P4HB: variants seen among roughly 807,000 people sequenced by gnomAD.
The protein encoded by P4HB is prolyl 4-hydroxylase subunit beta.
P4HB carries 20 observed loss-of-function variants against 52.6 expected under a neutral mutation model. The observed-to-expected ratio is 0.38, with a 90% confidence interval of 0.27 to 0.55. The LOEUF (loss-of-function observed/expected upper bound fraction) is 0.55. P4HB is among the 20% of genes least tolerant of loss of function. The pLI is 0.74. For missense variants in P4HB, 601 were observed against 669.2 expected, an observed-to-expected ratio of 0.90 and a Z score of 1.12; for synonymous variants, 296 against 277.9, an observed-to-expected ratio of 1.07 and a Z score of -0.65.
chr17:81,846,680 C>A lies in P4HB; in HGVS notation c.856-51G>T. 1 of 1,552,844 alleles carries A rather than the reference C, an allele frequency of 6.4e-7. No individual in the cohort carries two copies. Among genetic ancestry groups the A allele is most frequent in the South Asian group, 1.1e-5 (1 of 89,646 alleles). ...GGTGCGGGAGACGGCTGGCCTCTGC[C>A]TCCAGCCCTGACTTTGCTCGGAAGC... On this transcript the variant is annotated intron_variant, in intron 6 of 10. Transcript: ENST00000331483. The surrounding 1 kb of genome is among the most constrained non-coding windows in gnomAD (Gnocchi z 5.7).
At position 81,855,812 on chromosome 17, in the gene P4HB, G is replaced by A. The variant is rs752017745; in HGVS notation, c.353-226C>T. 23 of 493,312 alleles carry A rather than the reference G, an allele frequency of 4.7e-5. No individual in the cohort carries two copies. The highest frequency in any genetic ancestry group is 7.1e-5 in the Non-Finnish European group (20 of 280,510). The allele number at this position is 493,312 out of a possible 1,614,324, so 30.6% of individuals were successfully genotyped here. A position where few individuals can be genotyped will look rare whatever the true frequency, so the allele number is the denominator to read the frequency against. On this transcript the variant is annotated intron_variant, in intron 2 of 10. Transcript: ENST00000331483. The surrounding 1 kb of genome is among the most constrained non-coding windows in gnomAD (Gnocchi z 4.3). ...TTATGGGGAGTGGAGAGGGAAGAGG[G>A]TGATTCTGTCTCTGAATAACAGGAT...
In P4HB at chr17:81,846,827, G is replaced by A. The variant is rs2038742824; in HGVS notation, c.855+120C>T. Reference sequence around the variant, plus strand: ...CCCTCGCCTACATCCAGGCTGTCCTGAATCAGGTGCCCGATCCAGTCCAGC... The same window carrying A: ...CCCTCGCCTACATCCAGGCTGTCCTAAATCAGGTGCCCGATCCAGTCCAGC... On this transcript the variant is annotated intron_variant, in intron 6 of 10. Coordinates refer to ENST00000331483, the MANE Select transcript of P4HB (RefSeq NM_000918.4). The surrounding 1 kb of genome is among the most constrained non-coding windows in gnomAD (Gnocchi z 5.7). The A allele has an allele frequency of 2.9e-6, 4 of 1,365,612 alleles. No individual in the cohort carries two copies. The Admixed American group carries it at 5.3e-5, about 18-fold the overall frequency. The allele number at this position is 1,365,612 out of a possible 1,614,324, so 84.6% of individuals were successfully genotyped here.
At chr17:81,858,439 C>T (rs1477474151) in intron 2 of P4HB, among the ~76,000 whole-genome samples, 1 of 152,102 alleles carries the variant, frequency 6.6e-6, no homozygotes, top group Non-Finnish European at 1.5e-5. Context: ...CAGGGCACAC[C>T]TGCTTAAGGG....
Position 81,846,025 on chromosome 17 carries a change from G to A in P4HB, c.1057-34C>T, listed in dbSNP as rs755470013. ...CAGGCAGGGCACGGTGAGGGGCGGC[G>A]ATGCCTGGGGGACCACAGAGCTCCC... On this transcript the variant is annotated intron_variant, in intron 7 of 10. Transcript: ENST00000331483. The surrounding 1 kb of genome is among the most constrained non-coding windows in gnomAD (Gnocchi z 5.7). The A allele has an allele frequency of 1.7e-5, 26 of 1,574,532 alleles. No individual in the cohort carries two copies. The Admixed American group carries it at 1.7e-4, about 10-fold the overall frequency.
intron 4 of P4HB, among the ~76,000 whole-genome samples, chr17:81,853,874 A>G (rs1427565647): frequency 6.6e-6 from 1 of 152,196 alleles, no homozygotes; most frequent in Non-Finnish European, 1.5e-5. Flanking sequence ...AGCTGTCCCT[A>G]GAGCACAAGT....
chr17:81,847,503 T>C, intron 4 of P4HB, 156 bp from the exon 5 acceptor site: 1 of 663,542 alleles, frequency 1.5e-6, no homozygotes, highest in Non-Finnish European at 2.8e-6. Context: ...AGGACATGGC[T>C]GTTCCTCGAC....
At position 81,845,945 on chromosome 17, in the gene P4HB, G is replaced by A. The variant is rs754368536; in HGVS notation, c.1103C>T (p.Pro368Leu). The A allele has an allele frequency of 1.2e-5, 20 of 1,613,104 alleles. No individual in the cohort carries two copies. Among genetic ancestry groups the A allele is most frequent in the Non-Finnish European group, 1.6e-5 (19 of 1,179,662 alleles). ...QELPEDWDKQPVKVLVGKNFE... is the reference protein window; with the variant it reads ...QELPEDWDKQLVKVLVGKNFE... The stretch of plus-strand genomic sequence containing the variant: ...GTTCTTCCCAACAAGCACCTTGACA[G>A]GCTGCTTGTCCCAGTCCTCCGGCAG... The change falls in exon 8 of 11, where the codon CCT becomes CTT. Residue 368 changes from proline (P) to leucine (L), a missense_variant. By Grantham distance (98) the Pro-to-Leu change is moderately conservative (BLOSUM62 -3). Coordinates refer to ENST00000331483, the MANE Select transcript of P4HB (RefSeq NM_000918.4).
chr17:81,859,439 T>C (rs2038963021), intron 1 of P4HB, 52 bp from the exon 2 acceptor site: 1 of 1,509,254 alleles, frequency 6.6e-7, no homozygotes, highest in Non-Finnish European at 9.2e-7. Context: ...TAAAGCAGCC[T>C]TGATCCCTCA....
At chr17:81,853,796 CTT>C (rs2038870972) in intron 4 of P4HB, among the ~76,000 whole-genome samples, 1 of 152,184 alleles carries the variant, frequency 6.6e-6, no homozygotes, top group African/African-American at 2.4e-5. Context: ...TCTCCCGAGA[CTT>C]TCTCTCCTAT....
chr17:81,857,883 G>C (rs1184234050), intron 2 of P4HB, among the ~76,000 whole-genome samples: 3 of 152,232 alleles, frequency 2.0e-5, no homozygotes, highest in East Asian at 1.9e-4. Context: ...ACGGTCACCA[G>C]TGACAAGTGG....
In P4HB at chr17:81,846,773, A is replaced by ACTGGGAGCAGAGGTCTGG; in HGVS notation, c.855+156_856-145dup. On this transcript the variant is annotated intron_variant, in intron 6 of 10. Transcript: ENST00000331483. The surrounding 1 kb of genome is among the most constrained non-coding windows in gnomAD (Gnocchi z 5.7). ...GGTTGCCCAACCAGACCAGCAGGTG[A>ACTGGGAGCAGAGGTCTGG]CTGGGAGCAGAGGTCTGGCCTGGCT... The ACTGGGAGCAGAGGTCTGG allele has an allele frequency of 8.4e-7, 1 of 1,190,264 alleles. No individual in the cohort carries two copies. Among genetic ancestry groups the ACTGGGAGCAGAGGTCTGG allele is most frequent in the Non-Finnish European group, 1.2e-6 (1 of 827,184 alleles). 73.7% of individuals were successfully genotyped at this position (1,190,264 alleles called of 1,614,324 possible). A position where few individuals can be genotyped will look rare whatever the true frequency, so the allele number is the denominator to read the frequency against.
Position 81,859,284 on chromosome 17 carries a change from G to A in P4HB, c.249C>T (p.Asp83=), listed in dbSNP as rs768438393. 13 of 1,613,882 alleles carry A rather than the reference G, an allele frequency of 8.1e-6. No homozygotes were observed. In the East Asian group the frequency reaches 1.8e-4, roughly 22 times the overall value. Residue 83 remains aspartate (D), a synonymous_variant, in exon 2 of 11, where the codon GAC becomes GAT. Coordinates refer to ENST00000331483, the MANE Select transcript of P4HB (RefSeq NM_000918.4). ...GGGCCAGGTCAGACTCCTCCGTGGC[G>A]TCCACCTTGGCCAACCTGATCTCGG... The part of the protein sequence containing the change: ...EGSEIRLAKV[D]ATEESDLAQQ...
chr17:81,859,279 G>A lies in P4HB; in HGVS notation c.254C>T (p.Thr85Met). 1 of 1,613,980 alleles carries A rather than the reference G, an allele frequency of 6.2e-7. No individual in the cohort carries two copies. Among genetic ancestry groups the A allele is most frequent in the Non-Finnish European group, 8.5e-7 (1 of 1,180,008 alleles). Residue 85 changes from threonine to methionine, a missense_variant, in exon 2 of 11, where the codon ACG becomes ATG. Coordinates refer to ENST00000331483, the MANE Select transcript of P4HB (RefSeq NM_000918.4). ...SEIRLAKVDA[T>M]EESDLAQQYG... ...CTGCTGGGCCAGGTCAGACTCCTCC[G>A]TGGCGTCCACCTTGGCCAACCTGAT...
At position 81,847,231 on chromosome 17, in the gene P4HB, G is replaced by A. The variant is rs760642313; in HGVS notation, c.729+12C>T. 2 of 1,612,218 alleles carry A rather than the reference G, an allele frequency of 1.2e-6. No individual in the cohort carries two copies. The highest frequency in any genetic ancestry group is 1.3e-5 in the African/African-American group (1 of 74,910). On this transcript the variant is annotated intron_variant, in intron 5 of 10. Transcript: ENST00000331483. ...CCCCATCCCCAGCCTGGGGGCTGCA[G>A]GGCAGCCGCACCTGCTCGGTGAACT...
intron 2 of P4HB, among the ~76,000 whole-genome samples, chr17:81,856,475 T>C (rs2038913625): frequency 6.6e-6 from 1 of 151,146 alleles, no homozygotes; most frequent in African/African-American, 2.4e-5. Context: ...GTAGCTAGGA[T>C]TATAGGTGCC....
In P4HB at chr17:81,845,225, A is replaced by G. The variant is rs1130674; in HGVS notation, c.1365T>C (p.Ile455=). The G allele has an allele frequency of 0.21, 330,171 of 1,610,112 alleles. 36,025 individuals are homozygous for G. The highest frequency in any genetic ancestry group is 0.33 in the African/African-American group (25,041 of 74,926). Residue 455 remains isoleucine (I), a synonymous_variant, in exon 10 of 11, where the codon ATT becomes ATC. Transcript: ENST00000331483. ...FFPASADRTV[I]DYNGERTLDG... is the part of the protein sequence containing the mutation. The stretch of plus-strand genomic sequence containing the variant: ...CCAGCGTGCGTTCCCCGTTGTAATC[A>G]ATGACCTGTGGAAGACAGGGATGAG...
chr17:81,848,189 C>T (rs992617806), intron 4 of P4HB, among the ~76,000 whole-genome samples: 2 of 152,144 alleles, frequency 1.3e-5, no homozygotes, highest in Non-Finnish European at 2.9e-5. Context: ...CGTGAGCCAC[C>T]GCGCCCGGCT....
chr17:81,850,362 C>T (rs2038809591), intron 4 of P4HB, among the ~76,000 whole-genome samples: 1 of 151,992 alleles, frequency 6.6e-6, no homozygotes, highest in African/African-American at 2.4e-5. Context: ...TCTTGAACTC[C>T]CGACCTCAGG....
At chr17:81,847,209 C>T (rs761441555) in intron 5 of P4HB, 34 bp downstream of exon 5, 1 of 1,608,520 alleles carries the variant, frequency 6.2e-7, no homozygotes, top group East Asian at 2.2e-5. Context: ...CACTCCTCCC[C>T]ATCCCCAGCC....
Sources: gnomAD v4.1 joint callset for allele counts (sites outside exome capture counted in the v4.1 genomes callset) on GRCh38, gnomAD v4.1.1 for gene constraint, Gnocchi (gnomAD v3.1) non-coding constraint, MANE v1.5 for transcripts, NCBI Gene and HGNC (gene_info 2026-07-23, HGNC 2026-07-21) for gene names.